MALRD1: variants seen among roughly 807,000 people sequenced by gnomAD.
MALRD1 encodes MAM and LDL-receptor class A domain-containing protein 1.
MALRD1 carries 247 observed loss-of-function variants against 242.1 expected under a neutral mutation model. The ratio of observed to expected loss-of-function variants is 1.02; its 90% CI spans 0.92 to 1.13. The LOEUF is 1.13. Among genes scored for constraint, MALRD1 ranks in the 50% most tolerant of loss-of-function variants. The pLI is 0.00. For synonymous variants in MALRD1, 995 were observed against 866.6 expected (o/e 1.15, Z -2.60); for missense variants, 2,989 against 2,533.1 (o/e 1.18, Z -3.86).
intron 36 of MALRD1, among the ~76,000 whole-genome samples, chr10:19,638,101 C>CAAAAAAAAAAAAAAAAAAAAAAAAAAAA (rs56865342): frequency 2.4e-5 from 1 of 41,924 alleles, no homozygotes; most frequent in African/African-American, 6.2e-5. Context: ...AACTCACTCT[C>CAAAAAAAAAAAAAAAAAAAAAAAAAAAA]AAAAAAAAAA....
chr10:19,570,923 A>G (rs1386408075), intron 33 of MALRD1, among the ~76,000 whole-genome samples: 1 of 152,112 alleles, frequency 6.6e-6, no homozygotes, highest in African/African-American at 2.4e-5. Context: ...GTAAAAGTAT[A>G]AAGTCATGAT....
intron 21 of MALRD1, among the ~76,000 whole-genome samples, chr10:19,314,459 A>C (rs1023043221): frequency 1.3e-5 from 2 of 151,692 alleles, no homozygotes; most frequent in African/African-American, 4.8e-5. Context: ...AAGGAGGCAT[A>C]GAGAAATGAA....
At chr10:19,475,247 C>G (rs1589132892) in intron 29 of MALRD1, among the ~76,000 whole-genome samples, 1 of 152,118 alleles carries the variant, frequency 6.6e-6, no homozygotes, top group South Asian at 2.1e-4. Context: ...AACCCCGTCT[C>G]TACTAAAAAT....
intron 29 of MALRD1, among the ~76,000 whole-genome samples, chr10:19,472,430 A>G (rs1249576806): frequency 1.3e-5 from 2 of 151,920 alleles, no homozygotes. Flanking sequence ...ACTTGGAAGT[A>G]TTTCCTCCTC....
chr10:19,423,589 T>C (rs1401349379), intron 28 of MALRD1, among the ~76,000 whole-genome samples: 1 of 152,188 alleles, frequency 6.6e-6, no homozygotes, highest in East Asian at 1.9e-4. Flanking sequence ...TGAGTGTCTA[T>C]AGAAGAATGT....
chr10:19,447,626 T>A (rs1458817684), intron 28 of MALRD1, among the ~76,000 whole-genome samples: 2 of 152,216 alleles, frequency 1.3e-5, no homozygotes, highest in African/African-American at 4.8e-5. Flanking sequence ...TGAGTGGCTT[T>A]ATAAACTGCA....
At chr10:19,348,163 A>G in intron 25 of MALRD1, 145 bp downstream of exon 25, 5 of 1,088,626 alleles carry the variant, frequency 4.6e-6, no homozygotes, top group Non-Finnish European at 5.1e-6. Flanking sequence ...TGAAGGGGGG[A>G]AAAAATGAAG....
rs547541102 is a variant in MALRD1 at position 19,154,685 on chromosome 10, A to G, written c.1559-390A>G. On this transcript the variant is annotated intron_variant, in intron 11 of 39. Coordinates refer to ENST00000454679, the MANE Select transcript of MALRD1 (RefSeq NM_001142308.3). ...AGGAGAAACTAAAATTCATTCCATA[A>G]GCTCATATCCTTCGGTACTTTGTGA... is the stretch of plus-strand genomic sequence containing the variant. 1.2e-3 allele frequency among the ~76,000 whole-genome samples: 184 copies of G among 152,316 alleles called. 1 individual carries two copies. The highest frequency in any genetic ancestry group is 0.01 in the Middle Eastern group (3 of 294).
chr10:19,185,654 G>T (rs971425901), intron 14 of MALRD1, among the ~76,000 whole-genome samples: 11 of 152,166 alleles, frequency 7.2e-5, no homozygotes, highest in Admixed American at 3.9e-4. Flanking sequence ...CATTTTATGT[G>T]TGTTGATACT....
At position 19,599,828 on chromosome 10, in the gene MALRD1, A is replaced by G. The variant is rs1257526309; in HGVS notation, c.5944+4371A>G. 2.0e-5 allele frequency among the ~76,000 whole-genome samples: 3 copies of G among 152,270 alleles called. No homozygotes were observed. In the East Asian group the frequency reaches 5.8e-4, roughly 29 times the overall value. The stretch of plus-strand genomic sequence containing the variant: ...TGACATTTAGTTAAGGCAAGCGGTT[A>G]GTCCATGCTGATCTCAAAGAGTCTC... On this transcript the variant is annotated intron_variant, in intron 34 of 39. Transcript: ENST00000454679.
intron 36 of MALRD1, among the ~76,000 whole-genome samples, chr10:19,654,232 GAT>G (rs1331942644): frequency 8.3e-6 from 1 of 120,926 alleles, no homozygotes; most frequent in Non-Finnish European, 2.0e-5. Context: ...ACATTTGATG[GAT>G]AAAAGACTAA....
At chr10:19,606,123 A>G (rs962094968) in intron 34 of MALRD1, among the ~76,000 whole-genome samples, 2 of 152,116 alleles carry the variant, frequency 1.3e-5, no homozygotes, top group African/African-American at 4.8e-5. Context: ...TCAATTACCT[A>G]TGATAAGTAA....
intron 7 of MALRD1, among the ~76,000 whole-genome samples, chr10:19,125,290 TTTCCTTCCTTCCTTCCTTCCTTCCTTCC>T (rs202203495): frequency 1.4e-5 from 1 of 69,104 alleles, no homozygotes; most frequent in Non-Finnish European, 2.7e-5. Context: ...TCTTTCTTTC[TTTCCTTCCTTCCTTCCTTCCTTCCTTCC>T]TTCCTTCTTT....
intron 36 of MALRD1, among the ~76,000 whole-genome samples, chr10:19,676,599 A>G (rs572577416): frequency 2.6e-5 from 4 of 152,328 alleles, no homozygotes; most frequent in Non-Finnish European, 5.9e-5. Flanking sequence ...AGGGAAAAGT[A>G]TTGGATCCTG....
At chr10:19,356,115 C>T (rs1311683246) in intron 26 of MALRD1, among the ~76,000 whole-genome samples, 1 of 151,506 alleles carries the variant, frequency 6.6e-6, no homozygotes, top group East Asian at 1.9e-4. Flanking sequence ...GTAAGACCAA[C>T]TACCACTACA....
intron 18 of MALRD1, among the ~76,000 whole-genome samples, chr10:19,211,459 G>T (rs900641345): frequency 6.6e-6 from 1 of 151,908 alleles, no homozygotes; most frequent in Non-Finnish European, 1.5e-5. Flanking sequence ...CTGGGAGGCC[G>T]AGGCGGGAGG....
chr10:19,431,559 C>T (rs1026424952), intron 28 of MALRD1, among the ~76,000 whole-genome samples: 9 of 152,166 alleles, frequency 5.9e-5, no homozygotes, highest in Non-Finnish European at 1.0e-4. Flanking sequence ...GAAAATTTCA[C>T]GTTGAACATT....
rs1564387284 is a variant in MALRD1 at position 19,491,628 on chromosome 10, CT to C, written c.5142del (p.Asp1715MetfsTer51). The C allele has an allele frequency of 1.3e-6, 2 of 1,549,580 alleles. No homozygotes were observed. The highest frequency in any genetic ancestry group is 2.7e-5 in the African/African-American group (2 of 73,160). ...TATAAGCCAGACTGCTCTGATAGGT[CT>C]GATGAAGCTCACTGTGGTAAGTTTA... ...CDYKPDCSDR[S>X]DEAHCAHYTS... On this transcript the variant is annotated frameshift_variant, in exon 30 of 40. Transcript: ENST00000454679. LOFTEE classifies it high-confidence loss of function.
intron 8 of MALRD1, among the ~76,000 whole-genome samples, chr10:19,129,726 T>A (rs1837392995): frequency 6.7e-6 from 1 of 148,686 alleles, no homozygotes; most frequent in African/African-American, 2.4e-5. Flanking sequence ...TCATAATAAA[T>A]AATATATAAT....
Sources: allele counts gnomAD v4.1 joint callset (sites outside exome capture counted in the v4.1 genomes callset), GRCh38; gene constraint gnomAD v4.1.1; transcripts MANE v1.5; gene names NCBI Gene and HGNC (gene_info 2026-07-23, HGNC 2026-07-21).